The following LRMDA variants were observed in gnomAD, a reference collection of about 807,000 sequenced individuals.
LRMDA encodes the protein leucine rich melanocyte differentiation associated.
A neutral mutation model predicts 29.8 loss-of-function variants in LRMDA; 18 were observed. That is an observed-to-expected ratio of 0.60 (90% CI 0.42 to 0.90). The LOEUF (loss-of-function observed/expected upper bound fraction) is 0.90, where lower values mean the gene tolerates loss of function less well. Among genes scored for constraint, LRMDA ranks in the 40% least tolerant of loss-of-function variants. The pLI, the probability that LRMDA is intolerant of heterozygous loss-of-function variation, is 0.00. For synonymous variants in LRMDA, 125 were observed against 109.4 expected (o/e 1.14, Z -0.89); for missense variants, 273 against 273.9 (o/e 1.00, Z 0.02).
intron 2 of LRMDA, among the ~76,000 whole-genome samples, chr10:75,963,716 G>C (rs1047300077): frequency 2.0e-5 from 3 of 152,174 alleles, no homozygotes; most frequent in Admixed American, 6.5e-5. Context: ...CTGCTTTTGA[G>C]TGAGGGCAAA....
At chr10:76,400,731 C>T (rs1051720783) in intron 6 of LRMDA, among the ~76,000 whole-genome samples, 6 of 65,214 alleles carry the variant, frequency 9.2e-5, no homozygotes, top group African/African-American at 3.9e-4. Flanking sequence ...TCACCTCTTT[C>T]ATAAAAGCTT....
At chr10:75,828,948 C>G (rs1803168611) in intron 2 of LRMDA, among the ~76,000 whole-genome samples, 1 of 152,108 alleles carries the variant, frequency 6.6e-6, no homozygotes, top group Non-Finnish European at 1.5e-5. Context: ...CTTCTGGGGT[C>G]AGCTGTCCCT....
At chr10:76,408,303 A>G (rs1275686091) in intron 6 of LRMDA, among the ~76,000 whole-genome samples, 2 of 152,202 alleles carry the variant, frequency 1.3e-5, no homozygotes, top group Non-Finnish European at 2.9e-5. Context: ...CCCAAGTAGA[A>G]CTAGACAGAG....
At position 76,136,846 on chromosome 10, in the gene LRMDA, A is replaced by C. The variant is rs74150512; in HGVS notation, c.516+78063A>C. ...TACCAGGCTGAGGAGGACCAAGCGTATCAATACCCCAAGGAAGCACGTCCA... is the reference window on the plus strand; with the variant it reads ...TACCAGGCTGAGGAGGACCAAGCGTCTCAATACCCCAAGGAAGCACGTCCA... On this transcript the variant is annotated intron_variant, in intron 5 of 6. Transcript: ENST00000611255. Among the ~76,000 whole-genome samples the C allele has an allele frequency of 2.0e-3, 311 of 152,330 alleles. 2 individuals are homozygous for C. In the East Asian group the frequency reaches 0.026, roughly 13 times the overall value.
chr10:75,431,746 G>C lies in LRMDA; in HGVS notation c.22G>C (p.Gly8Arg), dbSNP rs1261269618. The change falls in exon 1 of 7, where the codon GGA (glycine) becomes CGA (arginine). Residue 8 changes from glycine (G) to arginine (R), a missense_variant. Gly to Arg is a moderately radical substitution (Grantham distance 125, BLOSUM62 -2). Coordinates refer to ENST00000611255, the MANE Select transcript of LRMDA (RefSeq NM_001305581.2). Reference sequence around the variant, plus strand: ...CGCCATGGCCGGGCTCGTGGTGCGTGGAACTCAAGTAAGTCCCGGCCAGCC... The same window carrying C: ...CGCCATGGCCGGGCTCGTGGTGCGTCGAACTCAAGTAAGTCCCGGCCAGCC... MAGLVVR[G>R]TQVSYIGQDC... 1.5e-6 allele frequency: 2 copies of C among 1,375,040 alleles called. No individual in the cohort carries two copies. Among genetic ancestry groups the C allele is most frequent in the African/African-American group, 3.0e-5 (2 of 67,208 alleles). 85.2% of individuals were successfully genotyped at this position (1,375,040 alleles called of 1,614,324 possible).
chr10:75,607,403 A>T (rs1301333940), intron 2 of LRMDA, among the ~76,000 whole-genome samples: 3 of 152,222 alleles, frequency 2.0e-5, no homozygotes, highest in Non-Finnish European at 4.4e-5. Flanking sequence ...TAATTCTGTT[A>T]TGTTAAAGCT....
intron 5 of LRMDA, among the ~76,000 whole-genome samples, chr10:76,096,863 A>G (rs944936764): frequency 6.6e-6 from 1 of 152,156 alleles, no homozygotes; most frequent in Admixed American, 6.5e-5. Flanking sequence ...GCTATTATAA[A>G]TGGTATGAGC....
chr10:75,558,155 ATTTTTTT>A (rs11292875), intron 2 of LRMDA, among the ~76,000 whole-genome samples: 7 of 132,404 alleles, frequency 5.3e-5, no homozygotes, highest in East Asian at 2.3e-4. Flanking sequence ...CAGTGGTATG[ATTTTTTT>A]TTTTTTTTTT....
intron 2 of LRMDA, among the ~76,000 whole-genome samples, chr10:75,846,564 G>A (rs898108235): frequency 8.5e-5 from 13 of 152,096 alleles, no homozygotes; most frequent in African/African-American, 1.7e-4. Flanking sequence ...TAACATTGCC[G>A]TTTAGATTAG....
intron 2 of LRMDA, among the ~76,000 whole-genome samples, chr10:75,807,791 T>A (rs1254576555): frequency 6.6e-6 from 1 of 152,206 alleles, no homozygotes; most frequent in African/African-American, 2.4e-5. Context: ...TGTATTTATG[T>A]TGATTCTAAA....
Position 75,716,290 on chromosome 10 carries a change from G to A in LRMDA, c.131+277796G>A, listed in dbSNP as rs1589168545. 2.0e-5 allele frequency among the ~76,000 whole-genome samples: 3 copies of A among 152,154 alleles called. No homozygotes were observed. In the South Asian group the frequency reaches 6.2e-4, roughly 32 times the overall value. On this transcript the variant is annotated intron_variant, in intron 2 of 6. Transcript: ENST00000611255. Reference sequence around the variant, plus strand: ...CCCTGAGGAGAGATTTTGAATTGAGGGTGGCACTTAGGTCCTTGGCGATAT... The same window carrying A: ...CCCTGAGGAGAGATTTTGAATTGAGAGTGGCACTTAGGTCCTTGGCGATAT...
chr10:76,297,327 C>CT (rs1840424054), intron 5 of LRMDA, among the ~76,000 whole-genome samples: 1 of 152,146 alleles, frequency 6.6e-6, no homozygotes, highest in African/African-American at 2.4e-5. Flanking sequence ...TCTGAAGGGG[C>CT]TTTTACCAGA....
At chr10:76,279,110 A>T (rs1453369272) in intron 5 of LRMDA, among the ~76,000 whole-genome samples, 1 of 152,202 alleles carries the variant, frequency 6.6e-6, no homozygotes, top group Non-Finnish European at 1.5e-5. Context: ...AATACCTATA[A>T]TATTATAAAT....
At chr10:75,615,618 T>G (rs1841088938) in intron 2 of LRMDA, among the ~76,000 whole-genome samples, 1 of 152,180 alleles carries the variant, frequency 6.6e-6, no homozygotes, top group South Asian at 2.1e-4. Flanking sequence ...CTAAATATTG[T>G]TGAGTAGAGT....
At chr10:76,324,280 G>A in intron 5 of LRMDA, 121 bp from the exon 6 acceptor site, 3 of 868,622 alleles carry the variant, frequency 3.5e-6, no homozygotes, top group South Asian at 1.5e-5. Flanking sequence ...TTCCTAAGAA[G>A]TATCTTGGTG....
At chr10:75,982,695 A>T (rs1847193749) in intron 2 of LRMDA, among the ~76,000 whole-genome samples, 1 of 152,206 alleles carries the variant, frequency 6.6e-6, no homozygotes, top group Non-Finnish European at 1.5e-5. Context: ...AGTTTGGTAG[A>T]TGTCTTCAAA....
At chr10:76,547,582 T>C (rs1375039445) in intron 6 of LRMDA, among the ~76,000 whole-genome samples, 1 of 152,096 alleles carries the variant, frequency 6.6e-6, no homozygotes, top group Non-Finnish European at 1.5e-5. Flanking sequence ...CGACTTCAGC[T>C]AGAAGGTGGA....
chr10:75,639,855 G>A (rs560347387), intron 2 of LRMDA, among the ~76,000 whole-genome samples: 3 of 152,310 alleles, frequency 2.0e-5, no homozygotes, highest in South Asian at 2.1e-4. Flanking sequence ...CTCGGAGAGC[G>A]GACATTAAGA....
chr10:76,555,359 G>A (rs1489589567), intron 6 of LRMDA, among the ~76,000 whole-genome samples: 1 of 152,178 alleles, frequency 6.6e-6, no homozygotes, highest in Non-Finnish European at 1.5e-5. Context: ...GACCAATACT[G>A]AAAACCAGAA....
Sources: allele counts gnomAD v4.1 joint callset (sites outside exome capture counted in the v4.1 genomes callset), GRCh38; gene constraint gnomAD v4.1.1; transcripts MANE v1.5; gene names NCBI Gene and HGNC (gene_info 2026-07-23, HGNC 2026-07-21).